SRGAP1: variants seen among roughly 807,000 people sequenced by gnomAD.
SRGAP1 encodes SLIT-ROBO Rho GTPase activating protein 1.
A neutral mutation model predicts 121.9 loss-of-function variants in SRGAP1; 43 were observed. The ratio of observed to expected loss-of-function variants is 0.35; its 90% CI spans 0.28 to 0.46. SRGAP1 has a LOEUF of 0.46. Ranked by LOEUF, SRGAP1 falls within the 20% of genes least tolerant of loss-of-function variation. SRGAP1 has a pLI of 1.00. For synonymous variants in SRGAP1, 447 were observed against 485.4 expected (o/e 0.92, Z 1.04); for missense variants, 1,102 against 1,350.9 (o/e 0.82, Z 2.89).
In SRGAP1 at chr12:64,143,799, A is replaced by T. The variant is rs2037007071; in HGVS notation, c.*1127A>T. 6.6e-6 allele frequency: 1 copy of T among 151,998 alleles called. No homozygotes were observed. The highest frequency in any genetic ancestry group is 2.1e-4 in the South Asian group (1 of 4,806). 9.4% of individuals were successfully genotyped at this position (151,998 alleles called of 1,614,324 possible). A position where few individuals can be genotyped will look rare whatever the true frequency, so the allele number is the denominator to read the frequency against. The stretch of plus-strand genomic sequence containing the variant: ...GTCTCTTAAAAAAAAAAAAAATGCT[A>T]CAAAGTCCTGATGATCCTAAATTTG... On this transcript the variant is annotated 3_prime_UTR_variant, in exon 22 of 22. Coordinates refer to ENST00000355086, the MANE Select transcript of SRGAP1 (RefSeq NM_020762.4).
rs752266023 is a variant in SRGAP1, at chr12:64,079,031, C to G, written c.1238C>G (p.Ser413Cys). The change falls in exon 9 of 22, where the codon TCC becomes TGC. Residue 413 changes from serine (S) to cysteine (C), a missense_variant. Physicochemically the swap from Ser to Cys is moderately radical, Grantham distance 112. This residue lies in a region of SRGAP1 where 747 missense variants were observed against 929.4 expected (regional missense o/e 0.80). Transcript: ENST00000355086. The stretch of plus-strand genomic sequence containing the variant: ...AGTCGTTCCACAGAATCAGTGAAGT[C>G]CACTGTCTCTGAAACCTACCTGAGT... ...QHSRSTESVK[S>C]TVSETYLSKP... 2 of 1,614,114 alleles carry G rather than the reference C, an allele frequency of 1.2e-6. No individual in the cohort carries two copies. The highest frequency in any genetic ancestry group is 2.2e-5 in the South Asian group (2 of 91,082).
intron 8 of SRGAP1, among the ~76,000 whole-genome samples, chr12:64,066,347 C>T (rs950449815): frequency 6.6e-6 from 1 of 152,170 alleles, no homozygotes; most frequent in Non-Finnish European, 1.5e-5. Flanking sequence ...CAAACCATTA[C>T]ATCTAGGAAA....
Position 64,154,557 on chromosome 12 carries a change from ATTTG to A in SRGAP1, c.*11890_*11893del, listed in dbSNP as rs1436189295. 5.9e-5 allele frequency: 9 copies of A among 152,210 alleles called. No individual in the cohort carries two copies. Among genetic ancestry groups the A allele is most frequent in the East Asian group, 5.8e-4 (3 of 5,202 alleles). 9.4% of individuals were successfully genotyped at this position (152,210 alleles called of 1,614,324 possible). ...AAAAGAATCAAGAGTGGCTCCTAGT[ATTTG>A]TTTGAGCAAATGGGTGGAATATATT... On this transcript the variant is annotated 3_prime_UTR_variant, in exon 22 of 22. Transcript: ENST00000355086.
chr12:63,936,650 C>G (rs576641368), intron 1 of SRGAP1, among the ~76,000 whole-genome samples: 1 of 152,068 alleles, frequency 6.6e-6, no homozygotes, highest in Non-Finnish European at 1.5e-5. Flanking sequence ...GTTCAGCCAG[C>G]GTGTGTAGGT....
At chr12:63,852,284 C>T (rs1227997220) in intron 1 of SRGAP1, among the ~76,000 whole-genome samples, 1 of 152,230 alleles carries the variant, frequency 6.6e-6, no homozygotes, top group Non-Finnish European at 1.5e-5. Context: ...GCATGAGCCA[C>T]CTCGCCCAGC....
At chr12:64,135,590 G>A (rs535455543) in intron 21 of SRGAP1, among the ~76,000 whole-genome samples, 32 of 152,198 alleles carry the variant, frequency 2.1e-4, no homozygotes, top group Admixed American at 1.9e-3. Context: ...TCTCACGAGC[G>A]ATGAATCAGG....
chr12:63,969,028 G>A (rs2136389258), intron 1 of SRGAP1, among the ~76,000 whole-genome samples: 1 of 152,304 alleles, frequency 6.6e-6, no homozygotes, highest in South Asian at 2.1e-4. Context: ...AAATCGTACT[G>A]TGGGTCGGTG....
At chr12:63,972,421 T>G (rs2032978347) in intron 1 of SRGAP1, among the ~76,000 whole-genome samples, 1 of 152,210 alleles carries the variant, frequency 6.6e-6, no homozygotes, top group African/African-American at 2.4e-5. Context: ...CTTATAGGGT[T>G]GGAGGCCATA....
chr12:64,040,573 C>T (rs1251243240), intron 4 of SRGAP1, among the ~76,000 whole-genome samples: 2 of 152,222 alleles, frequency 1.3e-5, no homozygotes, highest in South Asian at 2.1e-4. Context: ...CACAGGTTTT[C>T]GAATTCACCC....
At chr12:64,127,155 G>T (rs2036702828) in intron 19 of SRGAP1, among the ~76,000 whole-genome samples, 1 of 152,138 alleles carries the variant, frequency 6.6e-6, no homozygotes, top group African/African-American at 2.4e-5. Flanking sequence ...TGCACTCTAT[G>T]ATGTTCCCAC....
At chr12:64,022,746 T>A (rs2034576469) in intron 4 of SRGAP1, among the ~76,000 whole-genome samples, 1 of 152,144 alleles carries the variant, frequency 6.6e-6, no homozygotes, top group Non-Finnish European at 1.5e-5. Context: ...TAATACCTCT[T>A]AGAGTTGTTG....
chr12:64,050,689 A>G (rs2035220898), intron 6 of SRGAP1, among the ~76,000 whole-genome samples: 1 of 152,124 alleles, frequency 6.6e-6, no homozygotes, highest in African/African-American at 2.4e-5. Context: ...ATGTCCCTTA[A>G]GTATTTTTTA....
At chr12:64,054,564 T>A (rs1290272852) in intron 6 of SRGAP1, among the ~76,000 whole-genome samples, 1 of 152,160 alleles carries the variant, frequency 6.6e-6, no homozygotes, top group Non-Finnish European at 1.5e-5. Flanking sequence ...CATGAACTCC[T>A]ATTAGGAAGA....
intron 18 of SRGAP1, among the ~76,000 whole-genome samples, chr12:64,123,650 T>TTATC (rs2036638506): frequency 7.5e-6 from 1 of 134,190 alleles, no homozygotes. Context: ...AAGGATTTAT[T>TTATC]TATTTATTTA....
At chr12:64,007,665 CA>C (rs1649735464) in intron 3 of SRGAP1, among the ~76,000 whole-genome samples, 2 of 152,178 alleles carry the variant, frequency 1.3e-5, no homozygotes. Context: ...AAGATGGTAT[CA>C]GCATACCTAC....
chr12:63,939,804 G>A (rs182755567), intron 1 of SRGAP1, among the ~76,000 whole-genome samples: 12 of 152,196 alleles, frequency 7.9e-5, no homozygotes, highest in Non-Finnish European at 1.3e-4. Context: ...CTGGAAGGTG[G>A]CTCCATGGCT....
intron 3 of SRGAP1, among the ~76,000 whole-genome samples, chr12:64,015,493 C>T (rs2034378925): frequency 6.6e-6 from 1 of 152,234 alleles, no homozygotes; most frequent in Non-Finnish European, 1.5e-5. Context: ...CTTAGATACT[C>T]CAGGGAAATT....
intron 10 of SRGAP1, among the ~76,000 whole-genome samples, chr12:64,086,400 A>T (rs1038666101): frequency 1.3e-5 from 2 of 152,266 alleles, no homozygotes; most frequent in Non-Finnish European, 2.9e-5. Context: ...TAATGGACAG[A>T]GAACTCTGTG....
intron 21 of SRGAP1, among the ~76,000 whole-genome samples, chr12:64,128,767 T>A (rs1433617851): frequency 6.6e-6 from 1 of 152,194 alleles, no homozygotes; most frequent in Non-Finnish European, 1.5e-5. Context: ...TAGATAGATA[T>A]TTGAAGAACA....
Sources: gnomAD v4.1 joint callset for allele counts (sites outside exome capture counted in the v4.1 genomes callset) on GRCh38, gnomAD v4.1.1 for gene constraint, gnomAD v4.1.1 regional missense constraint, MANE v1.5 for transcripts, NCBI Gene and HGNC (gene_info 2026-07-23, HGNC 2026-07-21) for gene names.